MAP4: variants seen among roughly 807,000 people sequenced by gnomAD.
The protein encoded by MAP4 is microtubule-associated protein 4.
A neutral mutation model predicts 170.2 loss-of-function variants in MAP4; 76 were observed. That is an observed-to-expected ratio of 0.45 (90% CI 0.37 to 0.54). The LOEUF is 0.54. MAP4 is among the 20% of genes least tolerant of loss of function. MAP4 has a pLI of 0.00. For missense variants in MAP4, 2,506 were observed against 2,748.0 expected (o/e 0.91, Z 1.97); for synonymous variants, 909 against 994.5 (o/e 0.91, Z 1.62).
intron 9 of MAP4, among the ~76,000 whole-genome samples, chr3:47,905,369 G>A (rs973087689): frequency 6.6e-6 from 1 of 152,080 alleles, no homozygotes; most frequent in African/African-American, 2.4e-5. Flanking sequence ...AAGCCTGGTG[G>A]AAAGATCAAT....
At chr3:47,982,504 AATGAGGTAACTTATTTTT>A (rs1476822721) in intron 2 of MAP4, among the ~76,000 whole-genome samples, 3 of 152,174 alleles carry the variant, frequency 2.0e-5, no homozygotes, top group African/African-American at 7.2e-5. Context: ...CATTTAGCAG[AATGAGGTAACTTATTTTT>A]ATGTGGCAAA....
Position 47,912,087 on chromosome 3 carries a change from CT to C in MAP4, c.2333del (p.Lys778ArgfsTer54), listed in dbSNP as rs1280738859. On this transcript the variant is annotated frameshift_variant, in exon 9 of 21. Transcript: ENST00000683076. LOFTEE classifies it high-confidence loss of function. Reference sequence around the variant, plus strand: ...CTCCAGCCCGTGGTTGAGAATATCTCTTTTGCTTTGGTTTCTTCTTCTTTTT... The same window carrying C: ...CTCCAGCCCGTGGTTGAGAATATCTCTTTGCTTTGGTTTCTTCTTCTTTTT... ...MKKKKKKPKQ[K>X]RYSQPRAGGP... 1 of 1,536,132 alleles carries C rather than the reference CT, an allele frequency of 6.5e-7. No homozygotes were observed. Among genetic ancestry groups the C allele is most frequent in the Non-Finnish European group, 8.7e-7 (1 of 1,146,908 alleles).
intron 2 of MAP4, among the ~76,000 whole-genome samples, chr3:47,991,378 C>T (rs933821032): frequency 3.3e-5 from 5 of 152,098 alleles, no homozygotes; most frequent in Admixed American, 2.6e-4. Context: ...AAGAACATAT[C>T]GAGAGCACTA....
chr3:48,002,515 T>C (rs778373496), intron 1 of MAP4, among the ~76,000 whole-genome samples: 16 of 151,648 alleles, frequency 1.1e-4, no homozygotes, highest in Non-Finnish European at 2.2e-4. Flanking sequence ...TGAGCCATGA[T>C]TGTGATGGCA....
At chr3:47,970,413 A>T (rs1169923384) in intron 3 of MAP4, among the ~76,000 whole-genome samples, 2 of 152,112 alleles carry the variant, frequency 1.3e-5, no homozygotes, top group Non-Finnish European at 2.9e-5. Flanking sequence ...TGAACCCAGG[A>T]GGTGGAGGTT....
At chr3:47,915,664 A>C (rs952288278) in intron 7 of MAP4, among the ~76,000 whole-genome samples, 4 of 152,156 alleles carry the variant, frequency 2.6e-5, no homozygotes, top group Non-Finnish European at 5.9e-5. Flanking sequence ...ATACAGATAC[A>C]AGTAGTTGGG....
chr3:48,025,292 CTTT>C (rs35840095), intron 1 of MAP4, among the ~76,000 whole-genome samples: 3 of 137,152 alleles, frequency 2.2e-5, no homozygotes, highest in African/African-American at 2.7e-5. Context: ...TACCTACACA[CTTT>C]TTTTTTTTTT....
rs1344580097 is a variant in MAP4 at position 48,056,925 on chromosome 3, G to A, written c.-20+31848C>T. 3.4e-4 allele frequency among the ~76,000 whole-genome samples: 47 copies of A among 138,086 alleles called. 1 individual carries two copies. The highest frequency in any genetic ancestry group is 1.1e-3 in the African/African-American group (39 of 36,090). 90.6% of individuals were successfully genotyped at this position (138,086 alleles called of 152,430 possible). A position where few individuals can be genotyped will look rare whatever the true frequency, so the allele number is the denominator to read the frequency against. ...TCTGCCCGGCCAGCCGCCCCGTCCGGGAGGGAGGTGGGGGGTTCAGCCCCC... is the reference window on the plus strand; with the variant it reads ...TCTGCCCGGCCAGCCGCCCCGTCCGAGAGGGAGGTGGGGGGTTCAGCCCCC... On this transcript the variant is annotated intron_variant, in intron 1 of 18. Transcript: ENST00000360240.
intron 10 of MAP4, among the ~76,000 whole-genome samples, chr3:47,895,523 T>C (rs940292602): frequency 6.6e-6 from 1 of 152,252 alleles, no homozygotes; most frequent in Non-Finnish European, 1.5e-5. Context: ...TGACTGGGCA[T>C]GGCGGACGTT....
chr3:47,972,818 G>A (rs1206471962), intron 3 of MAP4, among the ~76,000 whole-genome samples: 2 of 151,902 alleles, frequency 1.3e-5, no homozygotes, highest in African/African-American at 4.8e-5. Flanking sequence ...CCCGGGAAGC[G>A]GAGCTTGCAA....
intron 10 of MAP4, among the ~76,000 whole-genome samples, chr3:47,901,984 A>T (rs981030407): frequency 6.6e-6 from 1 of 152,012 alleles, no homozygotes; most frequent in Non-Finnish European, 1.5e-5. Context: ...ACAGAGTGAG[A>T]CCCCATCTCT....
chr3:48,025,403 C>T (rs1249049434), intron 1 of MAP4, among the ~76,000 whole-genome samples: 1 of 151,434 alleles, frequency 6.6e-6, no homozygotes, highest in African/African-American at 2.4e-5. Context: ...ATTCTCATGC[C>T]TCAGCCTCCC....
chr3:48,063,081 A>G (rs2100136693), intron 1 of MAP4, among the ~76,000 whole-genome samples: 1 of 152,086 alleles, frequency 6.6e-6, no homozygotes, highest in Non-Finnish European at 1.5e-5. Flanking sequence ...CAATTAAGAC[A>G]ACAATAATTC....
upstream of MAP4, among the ~76,000 whole-genome samples, chr3:48,017,484 C>CTTT (rs555856378): frequency 3.6e-5 from 5 of 138,562 alleles, no homozygotes; most frequent in East Asian, 1.1e-3. Context: ...TTTCTTTTTT[C>CTTT]TTTTTTTTTT....
At position 47,855,324 on chromosome 3, in the gene MAP4, T is replaced by TTCAACTTCTGAC. The variant is rs1265571100; in HGVS notation, c.6608_6619dup (p.Ser2203_Leu2206dup). 19 of 1,613,854 alleles carry TTCAACTTCTGAC rather than the reference T, an allele frequency of 1.2e-5. No individual in the cohort carries two copies. Among genetic ancestry groups the TTCAACTTCTGAC allele is most frequent in the Non-Finnish European group, 1.4e-5 (17 of 1,179,886 alleles). On this transcript the variant is annotated inframe_insertion, in exon 19 of 21. Transcript: ENST00000683076. The surrounding 1 kb of genome is among the most constrained non-coding windows in gnomAD (Gnocchi z 5.1). ...CTTGGCCTGGGCCTTCTCCTTGAAG[T>TTCAACTTCTGAC]TCAACTTCTGACTTTCAATCTTGAC...
intron 9 of MAP4, among the ~76,000 whole-genome samples, chr3:47,906,941 T>G (rs2100033432): frequency 6.6e-6 from 1 of 151,850 alleles, no homozygotes; most frequent in Non-Finnish European, 1.5e-5. Context: ...ATTCAAGTGA[T>G]TCTCCTGCCT....
At chr3:48,083,111 G>A (rs995630815) in intron 1 of MAP4, among the ~76,000 whole-genome samples, 2 of 152,172 alleles carry the variant, frequency 1.3e-5, no homozygotes, top group African/African-American at 2.4e-5. Context: ...TCCTGTAACA[G>A]GAAAAGGACA....
intron 1 of MAP4, among the ~76,000 whole-genome samples, chr3:48,027,463 T>C (rs1385130922): frequency 6.6e-6 from 1 of 152,188 alleles, no homozygotes; most frequent in East Asian, 1.9e-4. Flanking sequence ...ACAGGCCCCT[T>C]GGTGCAGTGG....
At chr3:47,958,975 C>A (rs941975016) in intron 3 of MAP4, among the ~76,000 whole-genome samples, 3 of 152,118 alleles carry the variant, frequency 2.0e-5, no homozygotes, top group Admixed American at 6.5e-5. Flanking sequence ...AGCCACCGCA[C>A]CCGCCTTGAA....
Sources: gnomAD v4.1 joint callset for allele counts (sites outside exome capture counted in the v4.1 genomes callset) on GRCh38, gnomAD v4.1.1 for gene constraint, Gnocchi (gnomAD v3.1) non-coding constraint, MANE v1.5 for transcripts, NCBI Gene and HGNC (gene_info 2026-07-23, HGNC 2026-07-21) for gene names.